Variants in LMAN1 observed in about 807,000 individuals in gnomAD.
The protein encoded by LMAN1 is protein ERGIC-53.
LMAN1 carries 32 observed loss-of-function variants against 67.8 expected under a neutral mutation model. That is an observed-to-expected ratio of 0.47 (90% CI 0.36 to 0.63). The LOEUF (loss-of-function observed/expected upper bound fraction) is 0.63, where lower values mean the gene tolerates loss of function less well. Among genes scored for constraint, LMAN1 ranks in the 30% least tolerant of loss-of-function variants. LMAN1 has a pLI of 0.00. For synonymous variants in LMAN1, 235 were observed against 219.3 expected (o/e 1.07, Z -0.63); for missense variants, 632 against 628.2 (o/e 1.01, Z -0.06).
chr18:59,347,316 G>T (rs1195209772), intron 7 of LMAN1, among the ~76,000 whole-genome samples, 197 bp downstream of exon 7: 1 of 96,330 alleles, frequency 1.0e-5, no homozygotes, highest in Non-Finnish European at 1.8e-5. Context: ...GCGAGACTCC[G>T]TCTCAAAAAA....
chr18:59,331,482 T>C lies in LMAN1; in HGVS notation c.1432A>G (p.Thr478Ala), dbSNP rs1166475167. 6.2e-7 allele frequency: 1 copy of C among 1,611,908 alleles called. No homozygotes were observed. Among genetic ancestry groups the C allele is most frequent in the Non-Finnish European group, 8.5e-7 (1 of 1,178,168 alleles). The change falls in exon 12 of 13, where the codon ACG becomes GCG. Residue 478 changes from threonine (T) to alanine (A), a missense_variant. By Grantham distance (58) the Thr-to-Ala change is moderately conservative. Transcript: ENST00000251047. ...ELPPFPSCLS[T>A]VHFIIFVVVQ... ...ACAACAAATATAATGAAGTGGACCGTAGACAAACATGATGGAAATGGTGGT... is the reference window on the plus strand; with the variant it reads ...ACAACAAATATAATGAAGTGGACCGCAGACAAACATGATGGAAATGGTGGT...
intron 8 of LMAN1, among the ~76,000 whole-genome samples, chr18:59,339,728 C>T (rs1292698091): frequency 6.6e-6 from 1 of 152,180 alleles, no homozygotes; most frequent in Non-Finnish European, 1.5e-5. Context: ...ACACTGGTCA[C>T]TCCCATGCAC....
intron 11 of LMAN1, among the ~76,000 whole-genome samples, chr18:59,332,821 A>C (rs1234931308): frequency 6.6e-6 from 1 of 152,158 alleles, no homozygotes; most frequent in East Asian, 1.9e-4. Flanking sequence ...GTCAGAGAAG[A>C]CATTAACATG....
intron 6 of LMAN1, among the ~76,000 whole-genome samples, chr18:59,347,876 G>T (rs983628001): frequency 6.6e-6 from 1 of 152,204 alleles, no homozygotes; most frequent in Non-Finnish European, 1.5e-5. Flanking sequence ...ACAAACAAAT[G>T]AAGGGTCAAA....
chr18:59,338,685 T>C (rs1908217905), intron 9 of LMAN1, 58 bp from the exon 10 acceptor site: 1 of 1,602,670 alleles, frequency 6.2e-7, no homozygotes, highest in South Asian at 1.1e-5. Flanking sequence ...GAGCACATAG[T>C]ACAGTTGCCC....
At chr18:59,336,381 C>G (rs1285776507) in intron 10 of LMAN1, among the ~76,000 whole-genome samples, 2 of 152,006 alleles carry the variant, frequency 1.3e-5, no homozygotes, top group African/African-American at 4.8e-5. Context: ...AACAAAGATG[C>G]CAACATGAAG....
At chr18:59,347,029 G>C (rs1311770702) in intron 7 of LMAN1, among the ~76,000 whole-genome samples, 2 of 151,814 alleles carry the variant, frequency 1.3e-5, no homozygotes, top group Non-Finnish European at 2.9e-5. Flanking sequence ...AGGAGATCGA[G>C]ACCATCCTGG....
At chr18:59,354,463 A>G (rs1202413869) in intron 4 of LMAN1, 56 bp downstream of exon 4, 1 of 955,450 alleles carries the variant, frequency 1.0e-6, no homozygotes, top group Non-Finnish European at 1.7e-6. Flanking sequence ...AATGTATTTC[A>G]TAAGGATTCC....
chr18:59,357,499 GT>G (rs1908686155), intron 1 of LMAN1, among the ~76,000 whole-genome samples: 3 of 152,094 alleles, frequency 2.0e-5, no homozygotes, highest in Non-Finnish European at 4.4e-5. Context: ...AAAAACTTGT[GT>G]TTGATATCAT....
intron 8 of LMAN1, among the ~76,000 whole-genome samples, chr18:59,343,223 C>T (rs1353241874): frequency 2.6e-5 from 4 of 151,826 alleles, no homozygotes; most frequent in Admixed American, 2.0e-4. Context: ...GACCATACTG[C>T]CCAAAACTAT....
At chr18:59,351,853 T>A (rs576262804) in intron 5 of LMAN1, among the ~76,000 whole-genome samples, 3 of 152,240 alleles carry the variant, frequency 2.0e-5, no homozygotes, top group African/African-American at 7.2e-5. Flanking sequence ...GGTGAATAAT[T>A]ATAGTGGAAT....
intron 3 of LMAN1, 34 bp from the exon 4 acceptor site, chr18:59,354,614 T>C: frequency 9.3e-7 from 1 of 1,079,400 alleles, no homozygotes; most frequent in Non-Finnish European, 1.4e-6. Context: ...AAAAATGTCT[T>C]TAATCAAAGC....
chr18:59,347,195 T>C (rs1359430712), intron 7 of LMAN1, among the ~76,000 whole-genome samples: 1 of 150,518 alleles, frequency 6.6e-6, no homozygotes, highest in African/African-American at 2.4e-5. Flanking sequence ...CAGGTTCAAG[T>C]GATTCTCCAG....
Position 59,353,273 on chromosome 18 carries a change from A to T in LMAN1, c.568T>A (p.Cys190Ser). The T allele has an allele frequency of 3.1e-6, 5 of 1,614,136 alleles. No individual in the cohort carries two copies. Among genetic ancestry groups the T allele is most frequent in the Non-Finnish European group, 4.2e-6 (5 of 1,179,992 alleles). ...NDGASQALAS[C>S]QRDFRNKPYP... Reference sequence around the variant, plus strand: ...GGTTTGTTGCGGAAGTCCCTCTGGCAACTTGCCAAAGCTTGACTAGCCCCG... The same window carrying T: ...GGTTTGTTGCGGAAGTCCCTCTGGCTACTTGCCAAAGCTTGACTAGCCCCG... Residue 190 changes from cysteine (C) to serine (S), a missense_variant, in exon 5 of 13, where the codon TGC becomes AGC. By Grantham distance (112) the Cys-to-Ser change is moderately radical. Coordinates refer to ENST00000251047, the MANE Select transcript of LMAN1 (RefSeq NM_005570.4).
rs1385720683 is a variant in LMAN1, at chr18:59,328,083, ACTAT to A, written c.*3006_*3009del. ...AAATCCTCAATATAATCATTTGTTC[ACTAT>A]CTTCTTTCAATAAGCACATGGACAG... On this transcript the variant is annotated 3_prime_UTR_variant, in exon 13 of 13. Coordinates refer to ENST00000251047, the MANE Select transcript of LMAN1 (RefSeq NM_005570.4). 6.6e-6 allele frequency: 1 copy of A among 152,238 alleles called. No homozygotes were observed. The highest frequency in any genetic ancestry group is 1.5e-5 in the Non-Finnish European group (1 of 68,042). 9.4% of individuals were successfully genotyped at this position (152,238 alleles called of 1,614,324 possible). A position where few individuals can be genotyped will look rare whatever the true frequency, so the allele number is the denominator to read the frequency against.
intron 8 of LMAN1, 146 bp downstream of exon 8, chr18:59,345,773 T>G (rs1432733062): frequency 2.2e-6 from 2 of 915,522 alleles, no homozygotes; most frequent in African/African-American, 3.3e-5. Context: ...AGACTAAAGA[T>G]TTGCTCCTAA....
intron 5 of LMAN1, 79 bp from the exon 6 acceptor site, chr18:59,349,315 T>C (rs1407794196): frequency 1.6e-6 from 2 of 1,268,666 alleles, no homozygotes; most frequent in Non-Finnish European, 2.3e-6. Context: ...TTATGACTAC[T>C]ATTCAGTTTT....
intron 10 of LMAN1, among the ~76,000 whole-genome samples, chr18:59,333,851 G>GAA (rs71336336): frequency 1.7e-5 from 2 of 119,678 alleles, no homozygotes; most frequent in Admixed American, 8.2e-5. Flanking sequence ...TTTACCAAAA[G>GAA]AAAAAAAAAA....
At chr18:59,352,429 C>G (rs185953195) in intron 5 of LMAN1, among the ~76,000 whole-genome samples, 1 of 152,150 alleles carries the variant, frequency 6.6e-6, no homozygotes, top group Non-Finnish European at 1.5e-5. Flanking sequence ...TGCTTAAAAC[C>G]CTTTAAACAT....
Sources: gnomAD v4.1 joint callset for allele counts (sites outside exome capture counted in the v4.1 genomes callset) on GRCh38, gnomAD v4.1.1 for gene constraint, MANE v1.5 for transcripts, NCBI Gene and HGNC (gene_info 2026-07-23, HGNC 2026-07-21) for gene names.